Variants in ATP13A1 observed in about 807,000 individuals in gnomAD.
ATP13A1 encodes the protein endoplasmic reticulum transmembrane helix translocase.
In ATP13A1, 55 loss-of-function variants were observed where a neutral mutation model predicts 134.8. The observed-to-expected ratio is 0.41, with a 90% CI of 0.33 to 0.51. ATP13A1 has a LOEUF of 0.51. Among genes scored for constraint, ATP13A1 ranks in the 20% least tolerant of loss-of-function variants. The pLI is 0.29. For synonymous variants in ATP13A1, 775 were observed against 725.1 expected (o/e 1.07, Z -1.10); for missense variants, 1,389 against 1,652.8 (o/e 0.84, Z 2.77).
chr19:19,654,613 G>A lies in ATP13A1; in HGVS notation c.1743C>T (p.Asp581=), dbSNP rs564809116. 2.3e-5 allele frequency: 37 copies of A among 1,613,492 alleles called. No homozygotes were observed. The highest frequency in any genetic ancestry group is 1.6e-4 in the Middle Eastern group (1 of 6,062). The change falls in exon 13 of 26, where the codon GAC becomes GAT. Residue 581 remains aspartate, a synonymous_variant. Transcript: ENST00000357324. ...GAGGGTCACCCACGAGGGTGCCGTC[G>A]TCCAGCTGCATGAGCGAGTGGCACG... is the stretch of plus-strand genomic sequence containing the variant. ...LASCHSLMQL[D]DGTLVGDPLE...
In ATP13A1 at chr19:19,647,494, T is replaced by C. The variant is rs773876356; in HGVS notation, c.2828A>G (p.Asp943Gly). Residue 943 changes from aspartate to glycine, a missense_variant, in exon 21 of 26, where the codon GAC (aspartate) becomes GGC (glycine). Transcript: ENST00000357324. This position sits in a 1 kb window ranked among gnomAD's most constrained non-coding sequence, Gnocchi z 4.8. ...CAGTTTCACAATGGGCGTACTCTCG[T>C]CCTCGAGGTCTCGCAGCACCTGGCT... ...RLSQVLRDLEDESTPIVKLGD... is the reference protein window; with the variant it reads ...RLSQVLRDLEGESTPIVKLGD... 1.5e-5 allele frequency: 25 copies of C among 1,613,252 alleles called. No homozygotes were observed. Among genetic ancestry groups the C allele is most frequent in the Non-Finnish European group, 2.1e-5 (25 of 1,179,582 alleles).
chr19:19,653,441 G>T lies in ATP13A1; in HGVS notation c.2100+343C>A. The T allele has an allele frequency of 2.9e-6, 1 of 349,780 alleles. No homozygotes were observed. The allele number at this position is 349,780 out of a possible 1,614,324, so 21.7% of individuals were successfully genotyped here. On this transcript the variant is annotated intron_variant, in intron 15 of 25. Coordinates refer to ENST00000357324, the MANE Select transcript of ATP13A1 (RefSeq NM_020410.3). The surrounding 1 kb of genome is among the most constrained non-coding windows in gnomAD (Gnocchi z 4.2). ...GAAGCCAAGCGGCAGATGTGCCGGT[G>T]GTGGAGGCGGAGGGTGGGCTTTGTG...
chr19:19,649,877 G>C lies in ATP13A1; in HGVS notation c.2399C>G (p.Pro800Arg). 1 of 1,602,128 alleles carries C rather than the reference G, an allele frequency of 6.2e-7. No individual in the cohort carries two copies. Residue 800 changes from proline (P) to arginine (R), a missense_variant, in exon 18 of 26, where the codon CCA becomes CGA. Around this residue, in one of 4 missense-constraint regions of ATP13A1, gnomAD observed 747 missense variants for 956.1 expected, o/e 0.78. Transcript: ENST00000357324. ...TGCGTACTCCAGGGCCAGTGCCTTT[G>C]GGGAGCCCCGGGCCAGGGGCAGCAC... ...SIVLPLARGS[P>R]KALALEYALC...
Position 19,651,726 on chromosome 19 carries a change from C to A in ATP13A1, c.2298G>T (p.Lys766Asn), listed in dbSNP as rs1331956306. The A allele has an allele frequency of 1.2e-6, 2 of 1,613,312 alleles. No individual in the cohort carries two copies. The highest frequency in any genetic ancestry group is 2.2e-5 in the East Asian group (1 of 44,810). Residue 766 changes from lysine (K) to asparagine (N), a missense_variant, in exon 17 of 26, where the codon AAG (lysine) becomes AAT (asparagine). By Grantham distance (94) the Lys-to-Asn change is moderately conservative (BLOSUM62 0). This residue lies in a region of ATP13A1 where 747 missense variants were observed against 956.1 expected (regional missense o/e 0.78). Transcript: ENST00000357324. ...HVAQELHFIE[K>N]AHTLILQPPS... ...GAGGCTGCAGGATCAGCGTGTGGGC[C>A]TTTTCAATGAAGTGCAGCTCCTGGG... is the stretch of plus-strand genomic sequence containing the variant.
In ATP13A1 at chr19:19,663,379, G is replaced by A. The variant is rs767555836; in HGVS notation, c.288C>T (p.Ile96=). 71 of 1,588,704 alleles carry A rather than the reference G, an allele frequency of 4.5e-5. No individual in the cohort carries two copies. In the African/African-American group the frequency reaches 7.1e-4, roughly 16 times the overall value. ...CWGWGSSWVQ[I]PEAALLVLAT... is the part of the protein sequence containing the mutation. ...CAAGCACGAGCAGCGCAGCTTCGGG[G>A]ATCTGCACCCAACTGCTGCCCCAGC... The change falls in exon 1 of 26, where the codon ATC becomes ATT. Residue 96 remains isoleucine, a synonymous_variant. Coordinates refer to ENST00000357324, the MANE Select transcript of ATP13A1 (RefSeq NM_020410.3).
At chr19:19,651,415 G>T in intron 17 of ATP13A1, 1 of 336,014 alleles carries the variant, frequency 3.0e-6, no homozygotes, top group Non-Finnish European at 5.5e-6. Flanking sequence ...AGCAGTATCT[G>T]CCCATGAGTG....
In ATP13A1 at chr19:19,656,931, G is replaced by A. The variant is rs754366994; in HGVS notation, c.907-15C>T. The A allele has an allele frequency of 6.2e-7, 1 of 1,608,096 alleles. No homozygotes were observed. The highest frequency in any genetic ancestry group is 2.2e-5 in the East Asian group (1 of 44,612). ...CTTCGGTAGACCTGGGCGGGGCATG[G>A]GTGTCAGCACAGAAGCCGCACCTGT... is the stretch of plus-strand genomic sequence containing the variant. On this transcript the variant is annotated splice_polypyrimidine_tract_variant and intron_variant, in intron 5 of 25. Transcript: ENST00000357324. This position sits in a 1 kb window ranked among gnomAD's most constrained non-coding sequence, Gnocchi z 4.6.
At chr19:19,657,697 G>A (rs1267065402) in intron 3 of ATP13A1, among the ~76,000 whole-genome samples, 1 of 152,166 alleles carries the variant, frequency 6.6e-6, no homozygotes, top group Non-Finnish European at 1.5e-5. Context: ...GGCAGCCTGG[G>A]GCTGGTGTCA....
In ATP13A1 at chr19:19,659,884, C is replaced by A; in HGVS notation, c.486+14G>T. On this transcript the variant is annotated intron_variant, in intron 2 of 25. Transcript: ENST00000357324. Reference sequence around the variant, plus strand: ...TCAAGCCCCTCCTCCAGGAGCCCAGCAGGCAGTCCCTACCTCATTGCGGTG... The same window carrying A: ...TCAAGCCCCTCCTCCAGGAGCCCAGAAGGCAGTCCCTACCTCATTGCGGTG... 6.3e-7 allele frequency: 1 copy of A among 1,587,812 alleles called. No homozygotes were observed. Among genetic ancestry groups the A allele is most frequent in the African/African-American group, 1.3e-5 (1 of 74,188 alleles).
In ATP13A1 at chr19:19,655,719, C is replaced by T. The variant is rs2062053067; in HGVS notation, c.1270-65G>A. 5.7e-6 allele frequency: 9 copies of T among 1,568,908 alleles called. No individual in the cohort carries two copies. The highest frequency in any genetic ancestry group is 1.2e-5 in the South Asian group (1 of 86,058). On this transcript the variant is annotated intron_variant, in intron 9 of 25. Coordinates refer to ENST00000357324, the MANE Select transcript of ATP13A1 (RefSeq NM_020410.3). The surrounding 1 kb of genome is among the most constrained non-coding windows in gnomAD (Gnocchi z 5.7). ...CCCTCCAGCAGCTCAGGCCTGGAAG[C>T]GTGGGCCTGGTCTTGGGGTGGCCTC...
At position 19,653,759 on chromosome 19, in the gene ATP13A1, A is replaced by T; in HGVS notation, c.2100+25T>A. ...AGCTGACGGGCCAGGCACATGGTGA[A>T]GGCAGGGGGAGCCTGGGCCCGTACC... On this transcript the variant is annotated intron_variant, in intron 15 of 25. Coordinates refer to ENST00000357324, the MANE Select transcript of ATP13A1 (RefSeq NM_020410.3). This position sits in a 1 kb window ranked among gnomAD's most constrained non-coding sequence, Gnocchi z 4.2. 1 of 1,524,958 alleles carries T rather than the reference A, an allele frequency of 6.6e-7. No individual in the cohort carries two copies. The highest frequency in any genetic ancestry group is 8.9e-7 in the Non-Finnish European group (1 of 1,124,420). The allele number at this position is 1,524,958 out of a possible 1,614,324, so 94.5% of individuals were successfully genotyped here.
At chr19:19,657,995 A>T (rs1200360721) in intron 3 of ATP13A1, among the ~76,000 whole-genome samples, 1 of 151,786 alleles carries the variant, frequency 6.6e-6, no homozygotes, top group Non-Finnish European at 1.5e-5. Flanking sequence ...CAAAAAATTT[A>T]AAAATTAGCT....
chr19:19,646,919 C>G, intron 22 of ATP13A1: 1 of 584,698 alleles, frequency 1.7e-6, no homozygotes, highest in Non-Finnish European at 3.0e-6. Flanking sequence ...TACCTGTGGA[C>G]AGGTGTGGAC....
At position 19,656,577 on chromosome 19, in the gene ATP13A1, G is replaced by A. The variant is rs2145011774; in HGVS notation, c.1083+83C>T. ...TGCCTCCTCCGCCTGTGCCTGAGGG[G>A]GATCCCCGCCACCCCCTGGGCCTCC... is the stretch of plus-strand genomic sequence containing the variant. On this transcript the variant is annotated intron_variant, in intron 7 of 25. Coordinates refer to ENST00000357324, the MANE Select transcript of ATP13A1 (RefSeq NM_020410.3). The surrounding 1 kb of genome is among the most constrained non-coding windows in gnomAD (Gnocchi z 4.6). The A allele has an allele frequency of 1.4e-6, 2 of 1,415,874 alleles. No homozygotes were observed. The highest frequency in any genetic ancestry group is 2.0e-5 in the Admixed American group (1 of 50,422). 87.7% of individuals were successfully genotyped at this position (1,415,874 alleles called of 1,614,324 possible). A position where few individuals can be genotyped will look rare whatever the true frequency, so the allele number is the denominator to read the frequency against.
In ATP13A1 at chr19:19,647,149, G is replaced by A. The variant is rs775881851; in HGVS notation, c.3085C>T (p.Leu1029Phe). 8 of 1,613,116 alleles carry A rather than the reference G, an allele frequency of 5.0e-6. No individual in the cohort carries two copies. In the South Asian group the frequency reaches 8.8e-5, roughly 18 times the overall value. Reference sequence around the variant, plus strand: ...CCCACCTTGGAACGGGAGATGAAGAGGAAGCAGCCGGCCAGCAGCAGCCCC... The same window carrying A: ...CCCACCTTGGAACGGGAGATGAAGAAGAAGCAGCCGGCCAGCAGCAGCCCC... ...LQGLLLAGCF[L>F]FISRSKPLKT... Residue 1029 changes from leucine to phenylalanine, a missense_variant, in exon 22 of 26, where the codon CTC (leucine) becomes TTC (phenylalanine). Transcript: ENST00000357324. This position sits in a 1 kb window ranked among gnomAD's most constrained non-coding sequence, Gnocchi z 4.8.
rs1261016254 is a variant in ATP13A1 at position 19,655,648 on chromosome 19, G to A, written c.1276C>T (p.Leu426=). 1 of 1,612,830 alleles carries A rather than the reference G, an allele frequency of 6.2e-7. No homozygotes were observed. Among genetic ancestry groups the A allele is most frequent in the Non-Finnish European group, 8.5e-7 (1 of 1,179,448 alleles). ...RTGFNTSQGK[L]LRTILFGVKR... ...ACCCCGAAGAGGATGGTGCGCAGCA[G>A]CTTGCCCTGGAGGAATGGAGGAACA... The change falls in exon 10 of 26, where the codon CTG becomes TTG. Residue 426 remains leucine (L), a synonymous_variant. Coordinates refer to ENST00000357324, the MANE Select transcript of ATP13A1 (RefSeq NM_020410.3). This position sits in a 1 kb window ranked among gnomAD's most constrained non-coding sequence, Gnocchi z 5.7.
rs1391403292 is a variant in ATP13A1 at position 19,657,108 on chromosome 19, G to A, written c.792C>T (p.Tyr264=). ...VGLWCLDEYW[Y]YSVFTLSMLV... ...GCATGGATAGCGTAAAGACGCTGTA[G>A]TACCAGTACTCATCCAGGCACCAGA... The change falls in exon 5 of 26, where the codon TAC becomes TAT. Residue 264 remains tyrosine (Y), a synonymous_variant. Coordinates refer to ENST00000357324, the MANE Select transcript of ATP13A1 (RefSeq NM_020410.3). 2.6e-6 allele frequency: 4 copies of A among 1,522,860 alleles called. No homozygotes were observed. Among genetic ancestry groups the A allele is most frequent in the Admixed American group, 2.1e-5 (1 of 47,386 alleles). The allele number at this position is 1,522,860 out of a possible 1,614,324, so 94.3% of individuals were successfully genotyped here.
At chr19:19,651,430 G>A in intron 17 of ATP13A1, 2 of 377,984 alleles carry the variant, frequency 5.3e-6, no homozygotes, top group Non-Finnish European at 9.7e-6. Context: ...TGAGTGCACA[G>A]GAAACCCGAG....
Position 19,656,669 on chromosome 19 carries a change from T to A in ATP13A1, c.1074A>T (p.Pro358=), listed in dbSNP as rs1452118828. ...DEAMLTGESV[P]QMKEPIEDLS... ...ATCCTCCACCAAGTACCTTCATCTG[T>A]GGCACGGACTCCCCCGTGAGCATGG... Residue 358 remains proline (P), a synonymous_variant, in exon 7 of 26, where the codon CCA becomes CCT. Transcript: ENST00000357324. The surrounding 1 kb of genome is among the most constrained non-coding windows in gnomAD (Gnocchi z 4.6). 2 of 1,613,318 alleles carry A rather than the reference T, an allele frequency of 1.2e-6. No homozygotes were observed.
Sources: gnomAD v4.1 joint callset for allele counts (sites outside exome capture counted in the v4.1 genomes callset) on GRCh38, gnomAD v4.1.1 for gene constraint, gnomAD v4.1.1 regional missense constraint, Gnocchi (gnomAD v3.1) non-coding constraint, MANE v1.5 for transcripts, NCBI Gene and HGNC (gene_info 2026-07-23, HGNC 2026-07-21) for gene names.